The following CCSER1 variants were observed in gnomAD, a reference collection of about 807,000 sequenced individuals.
CCSER1 encodes the protein serine-rich coiled-coil domain-containing protein 1.
CCSER1 carries 41 observed loss-of-function variants against 82.0 expected under a neutral mutation model. The observed-to-expected ratio is 0.50, with a 90% CI of 0.39 to 0.65. The LOEUF is 0.65. Among genes scored for constraint, CCSER1 ranks in the 30% least tolerant of loss-of-function variants. The probability of loss-of-function intolerance (pLI) is 0.00; values close to 1 mark genes in which losing one functional copy is unlikely to be tolerated. For missense variants in CCSER1, 1,119 were observed against 1,064.2 expected (o/e 1.05, Z -0.72); for synonymous variants, 414 against 383.9 (o/e 1.08, Z -0.92).
intron 8 of CCSER1, among the ~76,000 whole-genome samples, chr4:90,843,187 A>G (rs1762784427): frequency 6.6e-6 from 1 of 152,112 alleles, no homozygotes; most frequent in African/African-American, 2.4e-5. Context: ...TGCAAAGGTA[A>G]TAATAGTATC....
At chr4:90,997,005 G>A (rs73834719) in intron 9 of CCSER1, among the ~76,000 whole-genome samples, 3,663 of 152,178 alleles carry the variant, frequency 0.024, 120 homozygotes, top group African/African-American at 0.072. Context: ...TTTCTCTGAA[G>A]TAAATACCCA....
At chr4:90,434,999 T>C (rs1448617936) in intron 4 of CCSER1, among the ~76,000 whole-genome samples, 1 of 152,226 alleles carries the variant, frequency 6.6e-6, no homozygotes, top group Non-Finnish European at 1.5e-5. Context: ...GTCAGGATCA[T>C]GAGCTTTCTC....
At chr4:90,720,433 G>T (rs1189961881) in intron 6 of CCSER1, among the ~76,000 whole-genome samples, 1 of 151,996 alleles carries the variant, frequency 6.6e-6, no homozygotes, top group Admixed American at 6.6e-5. Context: ...ACTTGTAAAA[G>T]ATTCTTTCAT....
chr4:91,598,735 T>G lies in CCSER1; in HGVS notation c.2381T>G (p.Leu794Arg), dbSNP rs1278279507. The part of the protein sequence containing the change: ...QLPSLCLSNF[L>R]KDKELAEVIK... ...CCAAGTCTCTGTTTAAGTAATTTCC[T>G]GAAGGACAAGGAACTAGCAGAAGTT... is the stretch of plus-strand genomic sequence containing the variant. The change falls in exon 11 of 11, where the codon CTG (leucine) becomes CGG (arginine). Residue 794 changes from leucine to arginine, a missense_variant. Coordinates refer to ENST00000509176, the MANE Select transcript of CCSER1 (RefSeq NM_001145065.2). 6.4e-7 allele frequency: 1 copy of G among 1,551,502 alleles called. No individual in the cohort carries two copies. Among genetic ancestry groups the G allele is most frequent in the East Asian group, 2.4e-5 (1 of 40,902 alleles).
chr4:90,283,670 T>C (rs1441680900), intron 1 of CCSER1, among the ~76,000 whole-genome samples: 1 of 152,090 alleles, frequency 6.6e-6, no homozygotes, highest in Non-Finnish European at 1.5e-5. Context: ...TCTGCCTCCT[T>C]ATGGTTGAAT....
At chr4:91,379,051 G>A (rs1750663288) in intron 10 of CCSER1, among the ~76,000 whole-genome samples, 1 of 152,104 alleles carries the variant, frequency 6.6e-6, no homozygotes, top group Admixed American at 6.6e-5. Flanking sequence ...GCTGGATTAT[G>A]TTTATTGATT....
chr4:90,915,879 CAGAG>C (rs897371916), intron 8 of CCSER1, among the ~76,000 whole-genome samples: 17 of 151,446 alleles, frequency 1.1e-4, no homozygotes, highest in Non-Finnish European at 1.9e-4. Context: ...AACAGACAAA[CAGAG>C]AGCCAAATCA....
intron 10 of CCSER1, among the ~76,000 whole-genome samples, chr4:91,592,525 TATTCAGA>T (rs1764317068): frequency 6.6e-6 from 1 of 152,150 alleles, no homozygotes; most frequent in Admixed American, 6.6e-5. Context: ...ACCATGAACT[TATTCAGA>T]AGACACATTT....
At chr4:90,417,210 T>C (rs887228835) in intron 4 of CCSER1, among the ~76,000 whole-genome samples, 1 of 152,124 alleles carries the variant, frequency 6.6e-6, no homozygotes, top group South Asian at 2.1e-4. Flanking sequence ...GAACTTAAAG[T>C]ATAATAAATA....
chr4:91,120,659 A>G (rs192731996), intron 10 of CCSER1, among the ~76,000 whole-genome samples: 14 of 151,984 alleles, frequency 9.2e-5, no homozygotes, highest in African/African-American at 2.9e-4. Context: ...TAAAAATTTG[A>G]GGGATTATTC....
At chr4:90,425,828 A>G (rs1414411724) in intron 4 of CCSER1, among the ~76,000 whole-genome samples, 1 of 152,212 alleles carries the variant, frequency 6.6e-6, no homozygotes, top group Non-Finnish European at 1.5e-5. Context: ...CTTGACTTCC[A>G]GCAAATATTT....
chr4:91,476,044 T>C (rs890696118), intron 10 of CCSER1, among the ~76,000 whole-genome samples: 1 of 151,894 alleles, frequency 6.6e-6, no homozygotes, highest in African/African-American at 2.4e-5. Flanking sequence ...CATACATCGA[T>C]GGACATTTAG....
At chr4:91,301,540 G>GTA (rs71596557) in intron 10 of CCSER1, among the ~76,000 whole-genome samples, 2,229 of 146,612 alleles carry the variant, frequency 0.015, 57 homozygotes, top group Admixed American at 0.061. Flanking sequence ...ATAAAATATA[G>GTA]TATATATATA....
In CCSER1 at chr4:91,250,572, A is replaced by T. The variant is rs573868643; in HGVS notation, c.2217+164578A>T. ...TTTTAGGCATGCATGCAAATTAAAA[A>T]ATATATATATATTTGTATTGTATAG... On this transcript the variant is annotated intron_variant, in intron 10 of 10. Transcript: ENST00000509176. Among the ~76,000 whole-genome samples, 14 of 151,684 alleles carry T rather than the reference A, an allele frequency of 9.2e-5. 1 individual carries two copies. The highest frequency in any genetic ancestry group is 8.3e-4 in the South Asian group (4 of 4,802).
chr4:91,356,607 C>G (rs566154252), intron 10 of CCSER1, among the ~76,000 whole-genome samples: 31 of 152,264 alleles, frequency 2.0e-4, no homozygotes, highest in Middle Eastern at 3.4e-3. Context: ...ACAAGTGCCA[C>G]TCTAGTTATT....
intron 8 of CCSER1, among the ~76,000 whole-genome samples, chr4:90,913,821 A>T (rs1726837469): frequency 6.6e-6 from 1 of 152,156 alleles, no homozygotes; most frequent in South Asian, 2.1e-4. Context: ...TGGAAAACAA[A>T]AAAAAAGGCA....
At chr4:91,595,957 A>AC (rs1764553033) in intron 10 of CCSER1, among the ~76,000 whole-genome samples, 1 of 151,294 alleles carries the variant, frequency 6.6e-6, no homozygotes. Flanking sequence ...AAAAAAAAAA[A>AC]AAAAAAAAAA....
rs573297738 is a variant in CCSER1 at position 90,818,438 on chromosome 4, C to T, written c.2094+2593C>T. The stretch of plus-strand genomic sequence containing the variant: ...GACCACAGGCACACGCCACAGTGCC[C>T]GGCTAATTTTTGTATTTTTAGTAGA... On this transcript the variant is annotated intron_variant, in intron 8 of 10. Coordinates refer to ENST00000509176, the MANE Select transcript of CCSER1 (RefSeq NM_001145065.2). Among the ~76,000 whole-genome samples the T allele has an allele frequency of 1.4e-4, 21 of 151,978 alleles. 1 individual carries two copies. Among genetic ancestry groups the T allele is most frequent in the Admixed American group, 5.9e-4 (9 of 15,258 alleles).
intron 1 of CCSER1, among the ~76,000 whole-genome samples, chr4:90,213,826 C>T (rs960775569): frequency 1.3e-5 from 2 of 152,142 alleles, no homozygotes; most frequent in African/African-American, 4.8e-5. Flanking sequence ...ACAAAAGCTG[C>T]TTCATTGAAA....
Sources: allele counts gnomAD v4.1 joint callset (sites outside exome capture counted in the v4.1 genomes callset), GRCh38; gene constraint gnomAD v4.1.1; transcripts MANE v1.5; gene names NCBI Gene and HGNC (gene_info 2026-07-23, HGNC 2026-07-21).